FBN3: variants seen among roughly 807,000 people sequenced by gnomAD.
The protein encoded by FBN3 is fibrillin 3.
Under a neutral mutation model 330.1 loss-of-function variants are expected in FBN3, and 234 were observed. That is an observed-to-expected ratio of 0.71 (90% confidence interval 0.64 to 0.79). The LOEUF (loss-of-function observed/expected upper bound fraction) is 0.79, where lower values mean the gene tolerates loss of function less well. FBN3 is among the 30% of genes least tolerant of loss of function. FBN3 has a pLI of 0.00. For synonymous variants in FBN3, 1,458 were observed against 1,517.3 expected (o/e 0.96, Z 0.91); for missense variants, 3,606 against 3,886.9 (o/e 0.93, Z 1.92).
Position 8,107,696 on chromosome 19 carries a change from G to A in FBN3, c.4687+474C>T, listed in dbSNP as rs555995212. Among the ~76,000 whole-genome samples, 6 of 149,566 alleles carry A rather than the reference G, an allele frequency of 4.0e-5. No homozygotes were observed. The South Asian group carries it at 1.3e-3, about 33-fold the overall frequency. On this transcript the variant is annotated intron_variant, in intron 37 of 63. Coordinates refer to ENST00000600128, the MANE Select transcript of FBN3 (RefSeq NM_032447.5). ...GGATGAGTGGAGGATGGATGAATGG[G>A]TAGATGGAGGATGGTTGAATGGAAG...
chr19:8,145,039 G>T (rs1249306177), intron 5 of FBN3, 67 bp from the exon 6 acceptor site: 2 of 1,379,842 alleles, frequency 1.4e-6, no homozygotes, highest in African/African-American at 2.8e-5. Context: ...TTCACAGCAA[G>T]CCTGTCTTCA....
At chr19:8,127,418 A>G (rs1455405898) in intron 18 of FBN3, among the ~76,000 whole-genome samples, 2 of 152,124 alleles carry the variant, frequency 1.3e-5, no homozygotes. Flanking sequence ...GTGATCAGAC[A>G]TGGGGTTTTT....
rs1599417754 is a variant in FBN3 at position 8,131,162 on chromosome 19, C to T, written c.2044+73G>A. On this transcript the variant is annotated intron_variant, in intron 16 of 63. Coordinates refer to ENST00000600128, the MANE Select transcript of FBN3 (RefSeq NM_032447.5). The surrounding 1 kb of genome is among the most constrained non-coding windows in gnomAD (Gnocchi z 4.5). ...GGAACCCCGGGCCAACTCCTACAGC[C>T]TCCCACCACAGCTCTCCCCACATCT... 3 of 1,464,850 alleles carry T rather than the reference C, an allele frequency of 2.0e-6. No individual in the cohort carries two copies. In the East Asian group the frequency reaches 7.0e-5, roughly 34 times the overall value. The allele number at this position is 1,464,850 out of a possible 1,614,324, so 90.7% of individuals were successfully genotyped here.
At chr19:8,086,465 A>ATTTTT (rs369311659) in intron 54 of FBN3, 140 bp from the exon 55 acceptor site, 136 of 287,532 alleles carry the variant, frequency 4.7e-4, no homozygotes, top group East Asian at 1.0e-3. Context: ...TATTATTATT[A>ATTTTT]TTATTTTTTG....
chr19:8,119,813 CTTT>C (rs869084219), intron 25 of FBN3, among the ~76,000 whole-genome samples: 363 of 48,832 alleles, frequency 7.4e-3, no homozygotes, highest in African/African-American at 0.032. Context: ...CGAGCCCAGC[CTTT>C]TTTTTTTTTT....
intron 10 of FBN3, among the ~76,000 whole-genome samples, 159 bp downstream of exon 10, chr19:8,137,982 C>A (rs1363878017): frequency 6.6e-6 from 1 of 152,206 alleles, no homozygotes; most frequent in African/African-American, 2.4e-5. Flanking sequence ...CCATCCACTA[C>A]TAGCACTGTC....
rs2081923600 is a variant in FBN3, at chr19:8,085,556, C to T, written c.6894G>A (p.Gly2298=). The change falls in exon 56 of 64, where the codon GGG becomes GGA. Residue 2298 remains glycine (G), a synonymous_variant. Transcript: ENST00000600128. ...TCTGCAGCACCTCGGCAAAGCAGGG[C>T]CCCTGCCGGATGTCTGCAGAGAACA... The part of the protein sequence containing the change: ...TLTECHDIRQ[G]PCFAEVLQTM... 2 of 1,571,372 alleles carry T rather than the reference C, an allele frequency of 1.3e-6. No homozygotes were observed. Among genetic ancestry groups the T allele is most frequent in the African/African-American group, 1.4e-5 (1 of 74,072 alleles).
In FBN3 at chr19:8,130,654, G is replaced by A. The variant is rs58304418; in HGVS notation, c.2044+581C>T. 8.1e-4 allele frequency among the ~76,000 whole-genome samples: 35 copies of A among 43,470 alleles called. 10 individuals are homozygous for A. The highest frequency in any genetic ancestry group is 3.2e-3 in the Admixed American group (15 of 4,618). The allele number at this position is 43,470 out of a possible 152,430, so 28.5% of individuals were successfully genotyped here. ...AAAGAAAGAAAGAAAGGAAAGGAAA[G>A]GAAAGGAAAAGAAAAGAAAAGAAAA... On this transcript the variant is annotated intron_variant, in intron 16 of 63. Coordinates refer to ENST00000600128, the MANE Select transcript of FBN3 (RefSeq NM_032447.5).
Position 8,071,306 on chromosome 19 carries a change from C to T in FBN3, c.8088+742G>A, listed in dbSNP as rs141572568. On this transcript the variant is annotated intron_variant, in intron 63 of 63. Coordinates refer to ENST00000600128, the MANE Select transcript of FBN3 (RefSeq NM_032447.5). Reference sequence around the variant, plus strand: ...GGGATGGAGCCATAGGCCTGCCCTACGGCTACTGAGTGGTGTGTTGAAGAT... The same window carrying T: ...GGGATGGAGCCATAGGCCTGCCCTATGGCTACTGAGTGGTGTGTTGAAGAT... Among the ~76,000 whole-genome samples the T allele has an allele frequency of 7.2e-5, 11 of 152,274 alleles. 1 individual carries two copies. Among genetic ancestry groups the T allele is most frequent in the South Asian group, 6.2e-4 (3 of 4,824 alleles).
In FBN3 at chr19:8,117,485, G is replaced by T. The variant is rs1258826702; in HGVS notation, c.3442C>A (p.Pro1148Thr). 6.4e-7 allele frequency: 1 copy of T among 1,560,610 alleles called. No individual in the cohort carries two copies. The highest frequency in any genetic ancestry group is 1.9e-5 in the Admixed American group (1 of 52,380). ...CSCHAGFQST[P>T]DRQGCVDINE... ...TCACCCACGCAGCCCTGGCGGTCAG[G>T]TGTGCTCTGGAAGCCGGCATGGCAG... Residue 1148 changes from proline (P) to threonine (T), a missense_variant, in exon 27 of 64, where the codon CCT (proline) becomes ACT (threonine). Transcript: ENST00000600128.
At chr19:8,084,871 A>T (rs2081899043) in intron 56 of FBN3, among the ~76,000 whole-genome samples, 1 of 150,850 alleles carries the variant, frequency 6.6e-6, no homozygotes, top group Admixed American at 6.6e-5. Flanking sequence ...TACAAGTGTG[A>T]GCCACTGTGC....
At chr19:8,076,133 C>A (rs1342211279) in intron 59 of FBN3, among the ~76,000 whole-genome samples, 1 of 152,098 alleles carries the variant, frequency 6.6e-6, no homozygotes, top group Non-Finnish European at 1.5e-5. Flanking sequence ...AAGAAGAGAG[C>A]CCTCACAGAA....
chr19:8,090,076 C>T, intron 49 of FBN3, 23 bp downstream of exon 49: 2 of 1,610,382 alleles, frequency 1.2e-6, no homozygotes, highest in Non-Finnish European at 1.7e-6. Flanking sequence ...ATCCAGGGAG[C>T]CTGGACAGGG....
Position 8,081,342 on chromosome 19 carries a change from G to T in FBN3, c.7336+16C>A. ...CATGCAGTGGTGGGAGTGGGGGAGAGTTGAAAGGACATCACCTTTGCAGGT... is the reference window on the plus strand; with the variant it reads ...CATGCAGTGGTGGGAGTGGGGGAGATTTGAAAGGACATCACCTTTGCAGGT... On this transcript the variant is annotated intron_variant, in intron 58 of 63. Coordinates refer to ENST00000600128, the MANE Select transcript of FBN3 (RefSeq NM_032447.5). The T allele has an allele frequency of 3.1e-6, 5 of 1,588,198 alleles. No individual in the cohort carries two copies. The highest frequency in any genetic ancestry group is 4.3e-6 in the Non-Finnish European group (5 of 1,167,600).
Position 8,117,501 on chromosome 19 carries a change from G to T in FBN3, c.3426C>A (p.Ala1142=). 3 of 1,559,818 alleles carry T rather than the reference G, an allele frequency of 1.9e-6. No homozygotes were observed. The highest frequency in any genetic ancestry group is 2.6e-6 in the Non-Finnish European group (3 of 1,151,466). Residue 1142 remains alanine, a synonymous_variant, in exon 27 of 64, where the codon GCC becomes GCA. Coordinates refer to ENST00000600128, the MANE Select transcript of FBN3 (RefSeq NM_032447.5). ...VIGAFQCSCH[A]GFQSTPDRQG... is the part of the protein sequence containing the mutation. ...GGCGGTCAGGTGTGCTCTGGAAGCCGGCATGGCAGGAGCACTGGAAGGCAC... is the reference window on the plus strand; with the variant it reads ...GGCGGTCAGGTGTGCTCTGGAAGCCTGCATGGCAGGAGCACTGGAAGGCAC...
Position 8,129,012 on chromosome 19 carries a change from G to T in FBN3, c.2296+16C>A. On this transcript the variant is annotated intron_variant, in intron 18 of 63. Coordinates refer to ENST00000600128, the MANE Select transcript of FBN3 (RefSeq NM_032447.5). The surrounding 1 kb of genome is among the most constrained non-coding windows in gnomAD (Gnocchi z 4.5). The stretch of plus-strand genomic sequence containing the variant: ...TATGTGTGTGTGCAAACCCACGTGA[G>T]CCCGGGACCCAGTACCTTTGCAGAT... 1 of 1,607,442 alleles carries T rather than the reference G, an allele frequency of 6.2e-7. No individual in the cohort carries two copies.
chr19:8,084,038 G>A (rs1476968331), intron 56 of FBN3, among the ~76,000 whole-genome samples: 11 of 151,678 alleles, frequency 7.3e-5, no homozygotes, highest in African/African-American at 1.5e-4. Flanking sequence ...TCCTGACCTC[G>A]TGATCTGCCC....
rs1568437899 is a variant in FBN3 at position 8,129,187 on chromosome 19, GT to G, written c.2171-35del. On this transcript the variant is annotated intron_variant, in intron 17 of 63. Coordinates refer to ENST00000600128, the MANE Select transcript of FBN3 (RefSeq NM_032447.5). The surrounding 1 kb of genome is among the most constrained non-coding windows in gnomAD (Gnocchi z 4.5). Reference sequence around the variant, plus strand: ...TGGGGGTGGGAGAGAGGGGTGAGGGGTCTGCAGTGGGAGAGGCTGCCCACAC... The same window carrying G: ...TGGGGGTGGGAGAGAGGGGTGAGGGGCTGCAGTGGGAGAGGCTGCCCACAC... 6.2e-7 allele frequency: 1 copy of G among 1,612,082 alleles called. No individual in the cohort carries two copies. The highest frequency in any genetic ancestry group is 8.5e-7 in the Non-Finnish European group (1 of 1,179,068).
chr19:8,096,223 G>T lies in FBN3; in HGVS notation c.5540-143C>A. 1.2e-6 allele frequency: 1 copy of T among 856,590 alleles called. No homozygotes were observed. The allele number at this position is 856,590 out of a possible 1,614,324, so 53.1% of individuals were successfully genotyped here. On this transcript the variant is annotated intron_variant, in intron 44 of 63. Coordinates refer to ENST00000600128, the MANE Select transcript of FBN3 (RefSeq NM_032447.5). This position sits in a 1 kb window ranked among gnomAD's most constrained non-coding sequence, Gnocchi z 4.6. ...TGGGCAGTGACCCCTGGCGGTGATG[G>T]CTGGGAAGTACTCCTGGTATGATAT...
Sources: gnomAD v4.1 joint callset for allele counts (sites outside exome capture counted in the v4.1 genomes callset) on GRCh38, gnomAD v4.1.1 for gene constraint, Gnocchi (gnomAD v3.1) non-coding constraint, MANE v1.5 for transcripts, NCBI Gene and HGNC (gene_info 2026-07-23, HGNC 2026-07-21) for gene names.